NDE1: variants seen among roughly 807,000 people sequenced by gnomAD.
The protein encoded by NDE1 is nuclear distribution protein nudE homolog 1.
Under a neutral mutation model 43.4 loss-of-function variants are expected in NDE1, and 28 were observed. The observed-to-expected ratio is 0.65, with a 90% CI of 0.48 to 0.89. The LOEUF (loss-of-function observed/expected upper bound fraction) is 0.89. NDE1 is among the 40% of genes least tolerant of loss of function. The pLI is 0.00. For missense variants in NDE1, 441 were observed against 434.1 expected (o/e 1.02, Z -0.14); for synonymous variants, 184 against 172.0 (o/e 1.07, Z -0.55).
chr16:15,687,020 G>A (rs2038471715), intron 4 of NDE1: 30 of 985,386 alleles, frequency 3.0e-5, no homozygotes, highest in Non-Finnish European at 3.6e-5. Flanking sequence ...TTTAATGCTG[G>A]TTGGCATTGT....
intron 3 of NDE1, chr16:15,672,830 G>A (rs1351760074): frequency 2.0e-5 from 3 of 152,166 alleles, no homozygotes; most frequent in Admixed American, 6.5e-5. Flanking sequence ...GGTGTGAGGC[G>A]ATGAGAGCCA....
intron 8 of NDE1, chr16:15,714,815 C>T: frequency 1.4e-6 from 2 of 1,471,204 alleles, no homozygotes; most frequent in South Asian, 2.3e-5. Context: ...CGGCTGTGGG[C>T]ACAAGGGGCA....
At chr16:15,690,246 A>G (rs1052181676) in intron 5 of NDE1, among the ~76,000 whole-genome samples, 1 of 144,614 alleles carries the variant, frequency 6.9e-6, no homozygotes, top group South Asian at 2.2e-4. Flanking sequence ...GGGTTTTGCC[A>G]TGTTGGCCTG....
At chr16:15,679,290 C>T (rs2038052072) in intron 4 of NDE1, among the ~76,000 whole-genome samples, 1 of 152,092 alleles carries the variant, frequency 6.6e-6, no homozygotes, top group Admixed American at 6.6e-5. Context: ...GCCACTGCAC[C>T]CGGCCTCCTC....
chr16:15,718,986 G>A, intron 8 of NDE1: 2 of 547,984 alleles, frequency 3.6e-6, no homozygotes, highest in Non-Finnish European at 6.5e-6. Flanking sequence ...AAATTAGCCA[G>A]GCATGGTGGT....
rs1219332423 is a variant in NDE1 at position 15,664,768 on chromosome 16, C to T, written c.-11C>T. ...GCCACAAGGAGAGTGATCTCTTCCC[C>T]TGTTTTCACAATGGAGGACTCCGGA... On this transcript the variant is annotated 5_prime_UTR_variant, in exon 2 of 9. Coordinates refer to ENST00000396354, the MANE Select transcript of NDE1 (RefSeq NM_017668.3). 1.9e-6 allele frequency: 3 copies of T among 1,600,238 alleles called. No individual in the cohort carries two copies. The highest frequency in any genetic ancestry group is 2.6e-6 in the Non-Finnish European group (3 of 1,167,458).
intron 5 of NDE1, 113 bp from the exon 6 acceptor site, chr16:15,691,031 C>T: frequency 2.3e-6 from 3 of 1,290,992 alleles, no homozygotes; most frequent in Non-Finnish European, 3.3e-6. Context: ...TGGTCTCGAA[C>T]TCCTGACCTC....
chr16:15,708,523 T>G (rs908854333), intron 8 of NDE1, among the ~76,000 whole-genome samples: 4 of 152,172 alleles, frequency 2.6e-5, no homozygotes, highest in African/African-American at 9.7e-5. Flanking sequence ...CTCTGCCATC[T>G]CGTCAAGATG....
chr16:15,691,919 C>A (rs1241497237), intron 6 of NDE1, among the ~76,000 whole-genome samples: 1 of 151,990 alleles, frequency 6.6e-6, no homozygotes, highest in Non-Finnish European at 1.5e-5. Flanking sequence ...GTGTGAGCCA[C>A]CGCGCCTGGT....
At position 15,694,365 on chromosome 16, in the gene NDE1, A is replaced by G. The variant is rs2038909385; in HGVS notation, c.795+109A>G. The G allele has an allele frequency of 5.8e-6, 9 of 1,542,358 alleles. No individual in the cohort carries two copies. The East Asian group carries it at 2.2e-4, about 38-fold the overall frequency. On this transcript the variant is annotated intron_variant, in intron 7 of 8. Coordinates refer to ENST00000396354, the MANE Select transcript of NDE1 (RefSeq NM_017668.3). ...CTCTTCTTTTTTTCTTTTTTTTTAGAGACAGGGTCTTGCTCTGTTGCTCAG... is the reference window on the plus strand; with the variant it reads ...CTCTTCTTTTTTTCTTTTTTTTTAGGGACAGGGTCTTGCTCTGTTGCTCAG...
intron 7 of NDE1, among the ~76,000 whole-genome samples, chr16:15,696,165 C>G (rs2039000717): frequency 6.7e-6 from 1 of 148,626 alleles, no homozygotes; most frequent in South Asian, 2.1e-4. Flanking sequence ...AGGCAGCTCC[C>G]AAACATTTTA....
chr16:15,717,438 C>T (rs539739792), intron 8 of NDE1: 1 of 1,359,296 alleles, frequency 7.4e-7, no homozygotes, highest in East Asian at 2.4e-5. Flanking sequence ...TGTTTGGCCT[C>T]TGCACGAGTC....
At chr16:15,670,970 A>G (rs750135127) in intron 3 of NDE1, among the ~76,000 whole-genome samples, 1 of 152,176 alleles carries the variant, frequency 6.6e-6, no homozygotes, top group Non-Finnish European at 1.5e-5. Flanking sequence ...TGGAGACCAC[A>G]GAGTGCAGCT....
At chr16:15,643,444 A>C (rs182957892) in exon 1 of NDE1, 2 of 449,148 alleles carry the variant, frequency 4.5e-6, no homozygotes, top group African/African-American at 4.2e-5. Flanking sequence ...TGAAGCGGAG[A>C]ATGAGCTCGT....
At chr16:15,707,854 C>T (rs2039541100) in intron 8 of NDE1, among the ~76,000 whole-genome samples, 1 of 151,536 alleles carries the variant, frequency 6.6e-6, no homozygotes, top group Non-Finnish European at 1.5e-5. Flanking sequence ...AGCCTGTAAT[C>T]CCAGCTACTC....
chr16:15,676,190 C>G (rs935672444), intron 3 of NDE1, among the ~76,000 whole-genome samples: 1 of 149,018 alleles, frequency 6.7e-6, no homozygotes, highest in East Asian at 2.0e-4. Flanking sequence ...CTCCTTTTCT[C>G]CCTCCTTCTT....
intron 1 of NDE1, among the ~76,000 whole-genome samples, chr16:15,660,483 AATTGCTTCCCTCACCTCT>A (rs917844647): frequency 3.3e-5 from 5 of 152,030 alleles, no homozygotes; most frequent in African/African-American, 9.7e-5. Flanking sequence ...TTAAAAAAAA[AATTGCTTCCCTCACCTCT>A]GCTGTGAAAC....
At chr16:15,703,917 G>A (rs1471365595) in intron 8 of NDE1, 1 of 1,600,780 alleles carries the variant, frequency 6.2e-7, no homozygotes, top group South Asian at 1.1e-5. Context: ...GTTCTGGGTT[G>A]TTGTTGGGTT....
intron 8 of NDE1, chr16:15,717,023 C>G (rs1002653588): frequency 3.6e-6 from 4 of 1,115,340 alleles, no homozygotes; most frequent in Non-Finnish European, 4.1e-6. Context: ...GTAGGCATCA[C>G]AGAGCTTGCT....
Sources: allele counts gnomAD v4.1 joint callset (sites outside exome capture counted in the v4.1 genomes callset), GRCh38; gene constraint gnomAD v4.1.1; transcripts MANE v1.5; gene names NCBI Gene and HGNC (gene_info 2026-07-23, HGNC 2026-07-21).